Variants in RNF180 observed in about 807,000 individuals in gnomAD.
RNF180 encodes the protein E3 ubiquitin-protein ligase RNF180.
In RNF180, 38 loss-of-function variants were observed where a neutral mutation model predicts 59.2. The observed-to-expected ratio is 0.64, with a 90% CI of 0.50 to 0.84. The LOEUF is 0.84. RNF180 is among the 40% of genes least tolerant of loss of function. RNF180 has a pLI of 0.00. For missense variants in RNF180, 705 were observed against 700.9 expected (o/e 1.01, Z -0.07); for synonymous variants, 262 against 240.3 (o/e 1.09, Z -0.84).
chr5:64,167,762 A>G (rs1749728214), intron 1 of RNF180, among the ~76,000 whole-genome samples: 1 of 152,146 alleles, frequency 6.6e-6, no homozygotes, highest in Non-Finnish European at 1.5e-5. Flanking sequence ...ACATAGTACA[A>G]GGGGACAGTG....
In RNF180 at chr5:64,279,338, A is replaced by G. The variant is rs374942017; in HGVS notation, c.1228-45848A>G. 6.2e-4 allele frequency among the ~76,000 whole-genome samples: 94 copies of G among 152,276 alleles called. 3 individuals are homozygous for G. In the South Asian group the frequency reaches 0.018, roughly 30 times the overall value. ...TTTTATTTTAATAGTGGGTACTGGG[A>G]AAGAATAGACAGAAGTGATCAGGAA... On this transcript the variant is annotated intron_variant, in intron 5 of 7. Transcript: ENST00000389100.
At chr5:64,192,448 C>T (rs566514739) in intron 1 of RNF180, among the ~76,000 whole-genome samples, 7 of 152,022 alleles carry the variant, frequency 4.6e-5, no homozygotes, top group South Asian at 2.1e-4. Flanking sequence ...CTGAGGCTGG[C>T]GGATCGTGAG....
At chr5:64,186,394 A>T (rs945707556) in intron 1 of RNF180, among the ~76,000 whole-genome samples, 1 of 152,136 alleles carries the variant, frequency 6.6e-6, no homozygotes, top group Non-Finnish European at 1.5e-5. Flanking sequence ...CCTTCTAAGA[A>T]GTCAGCCTGA....
chr5:64,193,635 C>T lies in RNF180; in HGVS notation c.1-7173C>T, dbSNP rs528515954. Among the ~76,000 whole-genome samples, 15 of 152,260 alleles carry T rather than the reference C, an allele frequency of 9.9e-5. 2 individuals are homozygous for T. The highest frequency in any genetic ancestry group is 3.6e-4 in the African/African-American group (15 of 41,548). ...CATTTAACCAGTTCTTTGGTAGTGA[C>T]AAGGGCTGGTACTGTTTATCCACAT... On this transcript the variant is annotated intron_variant, in intron 1 of 7. Coordinates refer to ENST00000389100, the MANE Select transcript of RNF180 (RefSeq NM_001113561.2).
At chr5:64,210,359 ACTCT>A (rs1197482310) in intron 2 of RNF180, among the ~76,000 whole-genome samples, 1 of 151,984 alleles carries the variant, frequency 6.6e-6, no homozygotes, top group Non-Finnish European at 1.5e-5. Context: ...GAGTGTTGAT[ACTCT>A]CTCTCAAACT....
At chr5:64,193,655 C>T (rs1751297522) in intron 1 of RNF180, among the ~76,000 whole-genome samples, 1 of 152,152 alleles carries the variant, frequency 6.6e-6, no homozygotes, top group African/African-American at 2.4e-5. Flanking sequence ...TACTGTTTAT[C>T]CACATATAAA....
At chr5:64,171,134 G>A (rs962006782) in intron 1 of RNF180, among the ~76,000 whole-genome samples, 1 of 152,208 alleles carries the variant, frequency 6.6e-6, no homozygotes, top group Non-Finnish European at 1.5e-5. Context: ...AAGAGCCAGA[G>A]ACAGAATTTT....
intron 7 of RNF180, among the ~76,000 whole-genome samples, chr5:64,343,738 G>T (rs1459973832): frequency 1.3e-5 from 2 of 151,582 alleles, no homozygotes; most frequent in Admixed American, 1.3e-4. Flanking sequence ...CTGTTTAATG[G>T]CTTACTGCTA....
chr5:64,211,964 G>A, intron 2 of RNF180, 101 bp from the exon 3 acceptor site: 1 of 654,010 alleles, frequency 1.5e-6, no homozygotes, highest in South Asian at 2.3e-5. Flanking sequence ...TTGCCTTCTA[G>A]CTAAAATAGA....
At chr5:64,268,490 G>A (rs1235077135) in intron 5 of RNF180, among the ~76,000 whole-genome samples, 1 of 152,098 alleles carries the variant, frequency 6.6e-6, no homozygotes, top group Non-Finnish European at 1.5e-5. Context: ...AGAGGGGCAA[G>A]AACCTACTTG....
rs997024455 is a variant in RNF180, at chr5:64,349,334, T to G, written c.1579+18928T>G. On this transcript the variant is annotated intron_variant, in intron 7 of 7. Coordinates refer to ENST00000389100, the MANE Select transcript of RNF180 (RefSeq NM_001113561.2). Reference sequence around the variant, plus strand: ...TGTTAACTTCATTTTTTTTGTATTTTATTGATACTTTTGTTTTAATAAAGT... The same window carrying G: ...TGTTAACTTCATTTTTTTTGTATTTGATTGATACTTTTGTTTTAATAAAGT... Among the ~76,000 whole-genome samples the G allele has an allele frequency of 2.1e-4, 32 of 152,190 alleles. 1 individual carries two copies. Among genetic ancestry groups the G allele is most frequent in the African/African-American group, 7.7e-4 (32 of 41,556 alleles).
At chr5:64,289,476 TTCTTTGTACC>T (rs1742461405) in intron 5 of RNF180, among the ~76,000 whole-genome samples, 1 of 152,128 alleles carries the variant, frequency 6.6e-6, no homozygotes, top group African/African-American at 2.4e-5. Flanking sequence ...GTACTAGCTC[TTCTTTGTACC>T]TCTGGTAATA....
chr5:64,330,204 A>G, intron 6 of RNF180, 77 bp from the exon 7 acceptor site: 9 of 937,498 alleles, frequency 9.6e-6, no homozygotes, highest in Non-Finnish European at 1.5e-5. Context: ...TCAAAATACT[A>G]CAGTATTCAC....
chr5:64,253,488 A>G (rs1743717076), intron 5 of RNF180, among the ~76,000 whole-genome samples: 1 of 152,184 alleles, frequency 6.6e-6, no homozygotes, highest in Non-Finnish European at 1.5e-5. Flanking sequence ...CGTTTTGGAG[A>G]AATAAAATTT....
intron 5 of RNF180, among the ~76,000 whole-genome samples, chr5:64,222,548 A>T (rs182919169): frequency 2.0e-4 from 30 of 152,342 alleles, no homozygotes; most frequent in Admixed American, 1.9e-3. Context: ...TTATGACAAC[A>T]GGTGTGAAAT....
intron 1 of RNF180, among the ~76,000 whole-genome samples, chr5:64,186,089 C>T (rs1242728236): frequency 6.6e-6 from 1 of 152,026 alleles, no homozygotes; most frequent in Non-Finnish European, 1.5e-5. Context: ...TTTTTGGAGC[C>T]GTATCTTTTG....
intron 5 of RNF180, among the ~76,000 whole-genome samples, chr5:64,314,415 A>T (rs1376255321): frequency 6.6e-6 from 1 of 152,040 alleles, no homozygotes; most frequent in Non-Finnish European, 1.5e-5. Flanking sequence ...ATTATCATTG[A>T]TATTGACAAT....
In RNF180 at chr5:64,349,556, A is replaced by C. The variant is rs1054692685; in HGVS notation, c.1579+19150A>C. 2.0e-5 allele frequency among the ~76,000 whole-genome samples: 3 copies of C among 151,882 alleles called. No homozygotes were observed. The East Asian group carries it at 5.9e-4, about 30-fold the overall frequency. ...TTAACTCATCATTTACATTAGGTAT[A>C]TCTCCTAATATGCTATCTCTCCCCC... On this transcript the variant is annotated intron_variant, in intron 7 of 7. Coordinates refer to ENST00000389100, the MANE Select transcript of RNF180 (RefSeq NM_001113561.2).
chr5:64,281,983 A>T (rs961406038), intron 5 of RNF180, among the ~76,000 whole-genome samples: 2 of 152,036 alleles, frequency 1.3e-5, no homozygotes, highest in Non-Finnish European at 2.9e-5. Context: ...TAGCTTTTTG[A>T]TGTACTACTG....
Sources: allele counts gnomAD v4.1 joint callset (sites outside exome capture counted in the v4.1 genomes callset), GRCh38; gene constraint gnomAD v4.1.1; transcripts MANE v1.5; gene names NCBI Gene and HGNC (gene_info 2026-07-23, HGNC 2026-07-21).